COBL: variants seen among roughly 807,000 people sequenced by gnomAD.
COBL encodes the protein cordon-bleu WH2 repeat protein, also known as protein cordon-bleu.
COBL carries 51 observed loss-of-function variants against 98.8 expected under a neutral mutation model. The observed-to-expected ratio is 0.52, with a 90% CI of 0.41 to 0.65. The LOEUF is 0.65. Among genes scored for constraint, COBL ranks in the 30% least tolerant of loss-of-function variants. The pLI, the probability that COBL is intolerant of heterozygous loss-of-function variation, is 0.00. For synonymous variants in COBL, 634 were observed against 651.7 expected (o/e 0.97, Z 0.41); for missense variants, 1,617 against 1,617.5 (o/e 1.00, Z 0.01).
rs116192094 is a variant in COBL at position 51,308,508 on chromosome 7, C to T, written c.41+8085G>A. On this transcript the variant is annotated intron_variant, in intron 1 of 12. Transcript: ENST00000265136. ...TTTGCTACTTACTTAACTGCTCAAGCCATCCACATGTAATTGCAAAGTTAA... is the reference window on the plus strand; with the variant it reads ...TTTGCTACTTACTTAACTGCTCAAGTCATCCACATGTAATTGCAAAGTTAA... Among the ~76,000 whole-genome samples, 725 of 152,338 alleles carry T rather than the reference C, an allele frequency of 4.8e-3. 4 individuals are homozygous for T. The highest frequency in any genetic ancestry group is 0.016 in the African/African-American group (674 of 41,574).
chr7:51,277,973 T>G (rs1392598187), intron 1 of COBL, among the ~76,000 whole-genome samples: 2 of 152,168 alleles, frequency 1.3e-5, no homozygotes, highest in Non-Finnish European at 2.9e-5. Flanking sequence ...ATTTCGTTAT[T>G]TACTGATCTC....
intron 6 of COBL, among the ~76,000 whole-genome samples, chr7:51,133,598 C>G (rs1798951268): frequency 6.6e-6 from 1 of 152,172 alleles, no homozygotes; most frequent in Non-Finnish European, 1.5e-5. Flanking sequence ...GATGCCCGCT[C>G]AAGTCTCAGA....
chr7:51,036,977 T>C lies in COBL; in HGVS notation c.1407-6068A>G, dbSNP rs145486718. On this transcript the variant is annotated intron_variant, in intron 8 of 12. Coordinates refer to ENST00000265136, the MANE Select transcript of COBL (RefSeq NM_015198.5). ...CAAGGTTGCTTTCAGAATTCAAGAGTTTATAATCAGTGCTAGTTCCACTGT... is the reference window on the plus strand; with the variant it reads ...CAAGGTTGCTTTCAGAATTCAAGAGCTTATAATCAGTGCTAGTTCCACTGT... Among the ~76,000 whole-genome samples the C allele has an allele frequency of 5.5e-3, 843 of 152,068 alleles. 8 individuals carry two copies. Among genetic ancestry groups the C allele is most frequent in the African/African-American group, 0.019 (800 of 41,472 alleles).
intron 6 of COBL, among the ~76,000 whole-genome samples, chr7:51,126,547 C>T (rs1436052999): frequency 6.6e-6 from 1 of 152,180 alleles, no homozygotes; most frequent in Non-Finnish European, 1.5e-5. Context: ...CATTCTTAGA[C>T]TTGAAATTGA....
intron 5 of COBL, among the ~76,000 whole-genome samples, chr7:51,147,523 T>G (rs1222471330): frequency 6.6e-6 from 1 of 152,146 alleles, no homozygotes; most frequent in Non-Finnish European, 1.5e-5. Flanking sequence ...CTTTCTGTAT[T>G]TGTCCTGATT....
intron 1 of COBL, among the ~76,000 whole-genome samples, chr7:51,239,439 C>T (rs901725447): frequency 4.6e-5 from 7 of 152,122 alleles, no homozygotes; most frequent in Admixed American, 4.6e-4. Context: ...GGGGGTGAAC[C>T]CTCAGTTCCA....
Position 51,291,345 on chromosome 7 carries a change from T to A in COBL, c.41+25248A>T, listed in dbSNP as rs1177778574. ...CTAGCCAGGAGTCCTAGCACAAGGA[T>A]CATATACAACTGTAAAAAGTTACCT... On this transcript the variant is annotated intron_variant, in intron 1 of 12. Coordinates refer to ENST00000265136, the MANE Select transcript of COBL (RefSeq NM_015198.5). Among the ~76,000 whole-genome samples the A allele has an allele frequency of 3.3e-5, 5 of 152,022 alleles. No individual in the cohort carries two copies. In the South Asian group the frequency reaches 8.3e-4, roughly 25 times the overall value.
At chr7:51,252,971 G>C (rs945266099) in intron 1 of COBL, among the ~76,000 whole-genome samples, 1 of 152,024 alleles carries the variant, frequency 6.6e-6, no homozygotes, top group Non-Finnish European at 1.5e-5. Context: ...GCCTGTAATC[G>C]CAGCACCTTG....
At chr7:51,293,079 T>C (rs891458706) in intron 1 of COBL, among the ~76,000 whole-genome samples, 6 of 152,250 alleles carry the variant, frequency 3.9e-5, no homozygotes, top group African/African-American at 1.4e-4. Context: ...CTGTTAATTC[T>C]CATCCACTGC....
At chr7:51,146,422 C>T (rs541482953) in intron 5 of COBL, among the ~76,000 whole-genome samples, 1 of 152,284 alleles carries the variant, frequency 6.6e-6, no homozygotes, top group South Asian at 2.1e-4. Flanking sequence ...TCAAGGTCAC[C>T]CATGAAGTTC....
At chr7:51,315,771 T>C (rs1410670164) in intron 1 of COBL, among the ~76,000 whole-genome samples, 1 of 151,948 alleles carries the variant, frequency 6.6e-6, no homozygotes, top group Admixed American at 6.5e-5. Context: ...CTGCTCGTCC[T>C]GTTTGAGGGA....
intron 4 of COBL, among the ~76,000 whole-genome samples, chr7:51,184,725 T>G (rs1394935432): frequency 6.6e-6 from 1 of 152,240 alleles, no homozygotes; most frequent in Non-Finnish European, 1.5e-5. Flanking sequence ...AGCATATCAG[T>G]GTGGACTCGG....
At chr7:51,187,176 CACTT>C (rs946072260) in intron 4 of COBL, among the ~76,000 whole-genome samples, 2 of 151,972 alleles carry the variant, frequency 1.3e-5, no homozygotes, top group African/African-American at 4.8e-5. Flanking sequence ...CCAAACCACT[CACTT>C]GTCTAGAGGA....
intron 1 of COBL, among the ~76,000 whole-genome samples, chr7:51,257,148 G>A (rs1797263949): frequency 6.6e-6 from 1 of 152,124 alleles, no homozygotes; most frequent in Non-Finnish European, 1.5e-5. Context: ...CATGTCTCAA[G>A]ATAAAAGAAG....
At chr7:51,200,154 T>C (rs900702944) in intron 2 of COBL, among the ~76,000 whole-genome samples, 2 of 152,176 alleles carry the variant, frequency 1.3e-5, no homozygotes, top group Non-Finnish European at 2.9e-5. Flanking sequence ...CAAACAAGAA[T>C]ACTTTATCCA....
intron 6 of COBL, among the ~76,000 whole-genome samples, chr7:51,092,196 G>A (rs180864279): frequency 6.6e-6 from 1 of 152,202 alleles, no homozygotes; most frequent in South Asian, 2.1e-4. Context: ...ATCTGAGGTG[G>A]AACAGTTTTA....
At chr7:51,132,507 C>A (rs935004562) in intron 6 of COBL, among the ~76,000 whole-genome samples, 1 of 152,154 alleles carries the variant, frequency 6.6e-6, no homozygotes, top group Admixed American at 6.5e-5. Context: ...TGTTGACAGC[C>A]CCTACTCACA....
chr7:51,149,332 T>C (rs1458310941), intron 5 of COBL, among the ~76,000 whole-genome samples: 1 of 152,082 alleles, frequency 6.6e-6, no homozygotes, highest in East Asian at 1.9e-4. Context: ...GACAGGTCTG[T>C]CCAGGCTCCA....
intron 5 of COBL, among the ~76,000 whole-genome samples, chr7:51,144,395 G>A (rs1394561840): frequency 6.6e-6 from 1 of 152,148 alleles, no homozygotes; most frequent in Non-Finnish European, 1.5e-5. Flanking sequence ...CTGGGGCAGA[G>A]GTTCGAAAAC....
Sources: allele counts gnomAD v4.1 joint callset (sites outside exome capture counted in the v4.1 genomes callset), GRCh38; gene constraint gnomAD v4.1.1; transcripts MANE v1.5; gene names NCBI Gene and HGNC (gene_info 2026-07-23, HGNC 2026-07-21).